Variants in CLCNKB observed in about 807,000 individuals in gnomAD.
The protein encoded by CLCNKB is chloride voltage-gated channel Kb, also known as chloride channel protein ClC-Kb.
CLCNKB carries 74 observed loss-of-function variants against 83.8 expected under a neutral mutation model. That is an observed-to-expected ratio of 0.88 (90% confidence interval 0.73 to 1.07). The LOEUF (loss-of-function observed/expected upper bound fraction) is 1.07. Among genes scored for constraint, CLCNKB ranks in the 50% least tolerant of loss-of-function variants. The probability of loss-of-function intolerance (pLI) is 0.00; values close to 1 mark genes in which losing one functional copy is unlikely to be tolerated. For synonymous variants in CLCNKB, 358 were observed against 356.6 expected (o/e 1.00, Z -0.04); for missense variants, 798 against 893.6 (o/e 0.89, Z 1.36).
In CLCNKB at chr1:16,047,047, C is replaced by A. The variant is rs149967882; in HGVS notation, c.358+384C>A. Reference sequence around the variant, plus strand: ...TGGCCTGAGATTTCATCCGGGCTTCCCCTATCCTGCCACAGCCTTCTGCCA... The same window carrying A: ...TGGCCTGAGATTTCATCCGGGCTTCACCTATCCTGCCACAGCCTTCTGCCA... On this transcript the variant is annotated intron_variant, in intron 4 of 19. Transcript: ENST00000375679. Among the ~76,000 whole-genome samples, 102 of 152,266 alleles carry A rather than the reference C, an allele frequency of 6.7e-4. No homozygotes were observed. The East Asian group carries it at 0.018, about 27-fold the overall frequency.
intron 10 of CLCNKB, 120 bp downstream of exon 10, chr1:16,050,036 C>G (rs1307009484): frequency 3.6e-5 from 6 of 168,804 alleles, no homozygotes; most frequent in Non-Finnish European, 4.0e-5. Flanking sequence ...TAGCCCATGC[C>G]CCACATGTGG....
intron 18 of CLCNKB, among the ~76,000 whole-genome samples, chr1:16,056,071 C>G (rs1226917100): frequency 6.6e-6 from 1 of 152,182 alleles, no homozygotes; most frequent in Middle Eastern, 3.2e-3. Flanking sequence ...TCAGGTCCAC[C>G]GCATTCTCCC....
In CLCNKB at chr1:16,052,377, C is replaced by T. The variant is rs2023322547; in HGVS notation, c.1588C>T (p.Pro530Ser). The T allele has an allele frequency of 1.9e-6, 3 of 1,613,344 alleles. No individual in the cohort carries two copies. The highest frequency in any genetic ancestry group is 2.5e-6 in the Non-Finnish European group (3 of 1,180,048). ...TGGCACCGTCATTGTCAAGAAGCTG[C>T]CATACCTGCCACGGATTCTGGGCCG... ...YDGTVIVKKLPYLPRILGRNI... is the reference protein window; with the variant it reads ...YDGTVIVKKLSYLPRILGRNI... Residue 530 changes from proline to serine, a missense_variant, in exon 15 of 20, where the codon CCA (proline) becomes TCA (serine). Coordinates refer to ENST00000375679, the MANE Select transcript of CLCNKB (RefSeq NM_000085.5).
intron 1 of CLCNKB, 112 bp from the exon 2 acceptor site, chr1:16,044,374 C>CACACACACACACACAG: frequency 2.5e-6 from 2 of 812,062 alleles, no homozygotes; most frequent in Non-Finnish European, 4.1e-6. Flanking sequence ...CACACACACA[C>CACACACACACACACAG]ACACGCACAA....
chr1:16,056,397 G>C lies in CLCNKB; in HGVS notation c.1930-25G>C, dbSNP rs367892130. 5 of 1,612,510 alleles carry C rather than the reference G, an allele frequency of 3.1e-6. No homozygotes were observed. The African/African-American group carries it at 6.7e-5, about 22-fold the overall frequency. On this transcript the variant is annotated intron_variant, in intron 18 of 19. Coordinates refer to ENST00000375679, the MANE Select transcript of CLCNKB (RefSeq NM_000085.5). Reference sequence around the variant, plus strand: ...TGGGCTGGGCACCTTCTACCCTCCAGTGTTTCCTAACATCCCCCATCCAGG... The same window carrying C: ...TGGGCTGGGCACCTTCTACCCTCCACTGTTTCCTAACATCCCCCATCCAGG...
chr1:16,051,163 A>G, intron 12 of CLCNKB, 115 bp downstream of exon 12: 1 of 1,492,130 alleles, frequency 6.7e-7, no homozygotes, highest in Non-Finnish European at 9.2e-7. Flanking sequence ...ACATTTCCTG[A>G]TGTGCCCCCT....
rs1226741375 is a variant in CLCNKB, at chr1:16,047,769, CA to C, written c.359-133del. ...GGCCAACAGAGCAAGATCTTGTCCC[CA>C]AAGGAAAATAATCCTAACTTCAGAG... On this transcript the variant is annotated intron_variant, in intron 4 of 19. Coordinates refer to ENST00000375679, the MANE Select transcript of CLCNKB (RefSeq NM_000085.5). The C allele has an allele frequency of 1.6e-4, 167 of 1,071,110 alleles. 1 individual carries two copies. In the Admixed American group the frequency reaches 3.5e-3, roughly 22 times the overall value. 66.4% of individuals were successfully genotyped at this position (1,071,110 alleles called of 1,614,324 possible).
Position 16,045,686 on chromosome 1 carries a change from G to A in CLCNKB, c.229G>A (p.Ala77Thr), listed in dbSNP as rs2023079694. The A allele has an allele frequency of 1.2e-6, 2 of 1,612,152 alleles. No individual in the cohort carries two copies. Among genetic ancestry groups the A allele is most frequent in the Non-Finnish European group, 1.7e-6 (2 of 1,178,668 alleles). Residue 77 changes from alanine (A) to threonine (T), a missense_variant and splice_region_variant, in exon 3 of 20, where the codon GCG becomes ACG. Transcript: ENST00000375679. ...MDLAVESVVR[A>T]HQWLYREIGD... ...CTTGGCTGTTGAGAGTGTGGTCCGAGGTAACCCCTCCATGGCAGGTGCTGC... is the reference window on the plus strand; with the variant it reads ...CTTGGCTGTTGAGAGTGTGGTCCGAAGTAACCCCTCCATGGCAGGTGCTGC...
At chr1:16,045,792 C>T in intron 3 of CLCNKB, 106 bp downstream of exon 3, 11 of 527,700 alleles carry the variant, frequency 2.1e-5, no homozygotes, top group Admixed American at 9.5e-5. Context: ...GGGGGGTGCT[C>T]TGGGTGGGGA....
At position 16,052,241 on chromosome 1, in the gene CLCNKB, G is replaced by A. The variant is rs777631984; in HGVS notation, c.1452G>A (p.Thr484=). The A allele has an allele frequency of 1.2e-4, 195 of 1,613,260 alleles. No homozygotes were observed. Among genetic ancestry groups the A allele is most frequent in the Middle Eastern group, 1.7e-4 (1 of 6,036 alleles). The change falls in exon 15 of 20, where the codon ACG becomes ACA. Residue 484 remains threonine (T), a synonymous_variant. Transcript: ENST00000375679. ...FSGAVTHTIS[T]ALLAFEVTGQ... Reference sequence around the variant, plus strand: ...GGGCTGTGACCCACACCATCTCCACGGCGCTGCTGGCCTTCGAGGTGACCG... The same window carrying A: ...GGGCTGTGACCCACACCATCTCCACAGCGCTGCTGGCCTTCGAGGTGACCG...
At chr1:16,054,057 G>C (rs191510427) in intron 16 of CLCNKB, among the ~76,000 whole-genome samples, 18 of 152,218 alleles carry the variant, frequency 1.2e-4, no homozygotes, top group African/African-American at 4.1e-4. Context: ...ACACCACCAG[G>C]GTCTTCCGGA....
rs5255 is a variant in CLCNKB, at chr1:16,056,471, C to T, written c.1979C>T (p.Ser660Leu). 4,575 of 1,597,122 alleles carry T rather than the reference C, an allele frequency of 2.9e-3. 129 individuals carry two copies. The African/African-American group carries it at 0.055, about 19-fold the overall frequency. The change falls in exon 19 of 20, where the codon TCG (serine) becomes TTG (leucine). Residue 660 changes from serine to leucine, a missense_variant. Physicochemically the swap from Ser to Leu is moderately radical, Grantham distance 145. Coordinates refer to ENST00000375679, the MANE Select transcript of CLCNKB (RefSeq NM_000085.5). ...LLNLHSLFVT[S>L]RGRAVGCVSW... ...AACCTTCATTCCCTCTTTGTGACGTCGCGGGGCAGAGCTGTGGGCTGCGTG... is the reference window on the plus strand; with the variant it reads ...AACCTTCATTCCCTCTTTGTGACGTTGCGGGGCAGAGCTGTGGGCTGCGTG...
chr1:16,055,798 T>G, intron 18 of CLCNKB, 40 bp downstream of exon 18: 57 of 1,527,092 alleles, frequency 3.7e-5, no homozygotes, highest in Non-Finnish European at 4.9e-5. Flanking sequence ...ATGAGGCCTC[T>G]GGGTGGGGGA....
intron 4 of CLCNKB, among the ~76,000 whole-genome samples, chr1:16,047,673 G>C (rs78040646): frequency 6.6e-6 from 1 of 152,056 alleles, no homozygotes; most frequent in African/African-American, 2.4e-5. Context: ...GGAGGCTGAC[G>C]CAGGAGGATA....
chr1:16,051,011 C>T lies in CLCNKB; in HGVS notation c.1190C>T (p.Thr397Ile). The change falls in exon 12 of 20, where the codon ACC (threonine) becomes ATC (isoleucine). Residue 397 changes from threonine (T) to isoleucine (I), a missense_variant. Thr to Ile is a moderately conservative substitution (Grantham distance 89, BLOSUM62 -1). Transcript: ENST00000375679. ...TGGGAATGGTACCACCCGCGGTTCA[C>T]CATCTTTGGGACCCTTGCCTTCTTC... is the stretch of plus-strand genomic sequence containing the variant. ...LWWEWYHPRF[T>I]IFGTLAFFLV... is the part of the protein sequence containing the mutation. 1 of 1,614,092 alleles carries T rather than the reference C, an allele frequency of 6.2e-7. No individual in the cohort carries two copies. The highest frequency in any genetic ancestry group is 8.5e-7 in the Non-Finnish European group (1 of 1,180,008).
rs747309651 is a variant in CLCNKB at position 16,049,911 on chromosome 1, C to T, written c.963C>T (p.Ala321=). The change falls in exon 10 of 20, where the codon GCC becomes GCT. Residue 321 remains alanine (A), a synonymous_variant. Coordinates refer to ENST00000375679, the MANE Select transcript of CLCNKB (RefSeq NM_000085.5). ...ATAGGTTCAGCTCCAAACTGCTGGC[C>T]ACCAGGTAGGCTCCGGGCTAAGGGC... ...RNNRFSSKLL[A]TSKPVYSALA... is the part of the protein sequence containing the mutation. 56 of 1,606,844 alleles carry T rather than the reference C, an allele frequency of 3.5e-5. No homozygotes were observed. The highest frequency in any genetic ancestry group is 3.4e-6 in the Non-Finnish European group (4 of 1,176,702).
chr1:16,049,232 C>T lies in CLCNKB; in HGVS notation c.768C>T (p.Phe256=). 6.2e-7 allele frequency: 1 copy of T among 1,613,868 alleles called. No individual in the cohort carries two copies. The highest frequency in any genetic ancestry group is 8.5e-7 in the Non-Finnish European group (1 of 1,179,964). ...GAFMFRLLAV[F]NSEQETITSL... ...TCATGTTCCGGCTCCTGGCGGTCTT[C>T]AACAGCGAGCAGGGTGAGCCCCCTG... The change falls in exon 8 of 20, where the codon TTC becomes TTT. Residue 256 remains phenylalanine (F), a synonymous_variant. Transcript: ENST00000375679.
At chr1:16,050,631 G>A (rs747015849) in intron 11 of CLCNKB, 31 bp downstream of exon 11, 2 of 1,605,028 alleles carry the variant, frequency 1.2e-6, no homozygotes, top group Non-Finnish European at 1.7e-6. Context: ...TGGCAGGAGT[G>A]GGGAAGCCCT....
chr1:16,052,081 C>T (rs2023311992), intron 14 of CLCNKB, 117 bp from the exon 15 acceptor site: 2 of 1,343,612 alleles, frequency 1.5e-6, no homozygotes, highest in African/African-American at 1.5e-5. Context: ...CCCACAGTGC[C>T]CAGGCTGTGG....
Sources: allele counts gnomAD v4.1 joint callset (sites outside exome capture counted in the v4.1 genomes callset), GRCh38; gene constraint gnomAD v4.1.1; transcripts MANE v1.5; gene names NCBI Gene and HGNC (gene_info 2026-07-23, HGNC 2026-07-21).